PLCB4: variants seen among roughly 807,000 people sequenced by gnomAD.
PLCB4 encodes the protein phospholipase C beta 4, also known as 1-phosphatidylinositol 4,5-bisphosphate phosphodiesterase beta-4.
PLCB4 carries 77 observed loss-of-function variants against 178.8 expected under a neutral mutation model. The ratio of observed to expected loss-of-function variants is 0.43; its 90% CI spans 0.36 to 0.52. PLCB4 has a LOEUF of 0.52. Ranked by LOEUF, PLCB4 falls within the 20% of genes least tolerant of loss-of-function variation. The probability of loss-of-function intolerance (pLI) is 0.00; values close to 1 mark genes in which losing one functional copy is unlikely to be tolerated. For synonymous variants in PLCB4, 496 were observed against 490.8 expected, an observed-to-expected ratio of 1.01 and a Z score of -0.14; for missense variants, 1,024 against 1,453.4, an observed-to-expected ratio of 0.70 and a Z score of 4.80.
chr20:9,271,354 A>G (rs192787706), intron 3 of PLCB4, among the ~76,000 whole-genome samples: 2 of 152,166 alleles, frequency 1.3e-5, no homozygotes, highest in Admixed American at 6.6e-5. Context: ...CAACTTTATC[A>G]GGTAGGTAGT....
chr20:9,261,458 A>G (rs931511342), intron 3 of PLCB4, among the ~76,000 whole-genome samples: 1 of 152,218 alleles, frequency 6.6e-6, no homozygotes, highest in South Asian at 2.1e-4. Context: ...TATGCTGTGC[A>G]TATGATTGTT....
intron 9 of PLCB4, among the ~76,000 whole-genome samples, chr20:9,367,979 C>T (rs191247025): frequency 6.9e-4 from 105 of 152,120 alleles, no homozygotes; most frequent in African/African-American, 2.3e-3. Context: ...GAATTGATAC[C>T]ATGCCAGAAA....
At chr20:9,105,606 T>G (rs1254107965) in intron 2 of PLCB4, among the ~76,000 whole-genome samples, 2 of 152,122 alleles carry the variant, frequency 1.3e-5, no homozygotes, top group Non-Finnish European at 2.9e-5. Flanking sequence ...ATGGTATTGA[T>G]ACAGGGATAC....
At chr20:9,265,617 G>A (rs1352144282) in intron 3 of PLCB4, among the ~76,000 whole-genome samples, 1 of 152,138 alleles carries the variant, frequency 6.6e-6, no homozygotes. Context: ...CCAGTTCTGT[G>A]GCCCTGGGTA....
At chr20:9,349,100 A>G (rs953801925) in intron 7 of PLCB4, among the ~76,000 whole-genome samples, 4 of 152,056 alleles carry the variant, frequency 2.6e-5, no homozygotes, top group Admixed American at 6.5e-5. Context: ...AAAATCCCCT[A>G]GAGTGTATTT....
At chr20:9,073,214 A>G (rs1442986578) in intron 1 of PLCB4, among the ~76,000 whole-genome samples, 2 of 152,204 alleles carry the variant, frequency 1.3e-5, no homozygotes, top group Admixed American at 6.5e-5. Context: ...TAGAAACAGG[A>G]AGAAAAAAGC....
intron 3 of PLCB4, among the ~76,000 whole-genome samples, chr20:9,283,381 C>A (rs1385884881): frequency 6.6e-6 from 1 of 151,910 alleles, no homozygotes; most frequent in Non-Finnish European, 1.5e-5. Context: ...TTCAAAGACA[C>A]CATGAATTTC....
At chr20:9,139,703 TA>T (rs900634329) in intron 2 of PLCB4, among the ~76,000 whole-genome samples, 1 of 145,350 alleles carries the variant, frequency 6.9e-6, no homozygotes, top group African/African-American at 2.6e-5. Flanking sequence ...ACAAACCATT[TA>T]AAACCACATT....
At chr20:9,244,154 G>A (rs2147435297) in intron 3 of PLCB4, among the ~76,000 whole-genome samples, 1 of 152,168 alleles carries the variant, frequency 6.6e-6, no homozygotes, top group African/African-American at 2.4e-5. Context: ...TGGTCGTATT[G>A]CTGCATCCTA....
At chr20:9,274,517 T>G (rs987194397) in intron 3 of PLCB4, among the ~76,000 whole-genome samples, 1 of 152,112 alleles carries the variant, frequency 6.6e-6, no homozygotes, top group Non-Finnish European at 1.5e-5. Context: ...CTATTTTATT[T>G]GCACATGTAA....
chr20:9,345,581 T>C (rs1279417935), intron 7 of PLCB4, among the ~76,000 whole-genome samples: 1 of 152,250 alleles, frequency 6.6e-6, no homozygotes, highest in Non-Finnish European at 1.5e-5. Context: ...TGTTATTCTA[T>C]ACCAAGTTGA....
intron 7 of PLCB4, among the ~76,000 whole-genome samples, chr20:9,355,446 C>T (rs184007436): frequency 1.0e-3 from 158 of 151,786 alleles, no homozygotes; most frequent in African/African-American, 3.6e-3. Context: ...CCTCCCCCAT[C>T]CCCTGACCCC....
At chr20:9,181,490 C>A (rs1047626034) in intron 2 of PLCB4, among the ~76,000 whole-genome samples, 2 of 152,098 alleles carry the variant, frequency 1.3e-5, no homozygotes, top group Non-Finnish European at 2.9e-5. Flanking sequence ...TAAACAAAAG[C>A]CATTTCTTAC....
chr20:9,409,998 T>A lies in PLCB4; in HGVS notation c.1999+817T>A, dbSNP rs560467967. Among the ~76,000 whole-genome samples the A allele has an allele frequency of 4.6e-5, 7 of 152,328 alleles. No individual in the cohort carries two copies. The South Asian group carries it at 1.5e-3, about 32-fold the overall frequency. ...CCAGAAAGCTCTTTTTTCCTTCAAC[T>A]CTTTGCTATTAAGAGAACTGCCCAT... On this transcript the variant is annotated intron_variant, in intron 24 of 39. Transcript: ENST00000378473.
chr20:9,276,262 C>G (rs116220026), intron 3 of PLCB4, among the ~76,000 whole-genome samples: 1 of 152,170 alleles, frequency 6.6e-6, no homozygotes, highest in Non-Finnish European at 1.5e-5. Flanking sequence ...CAAATTCACC[C>G]TGGAGTCAAT....
chr20:9,313,426 G>T (rs1049532492), intron 4 of PLCB4, among the ~76,000 whole-genome samples: 9 of 152,138 alleles, frequency 5.9e-5, no homozygotes, highest in Non-Finnish European at 1.2e-4. Context: ...AGGGAAGGTT[G>T]GTAGTTGATG....
chr20:9,361,103 A>G (rs2035286068), intron 7 of PLCB4, among the ~76,000 whole-genome samples: 1 of 152,340 alleles, frequency 6.6e-6, no homozygotes, highest in Admixed American at 6.5e-5. Context: ...ACGATGAAAA[A>G]CAGTATGGTA....
intron 38 of PLCB4, among the ~76,000 whole-genome samples, chr20:9,474,620 T>A (rs916016217): frequency 6.6e-6 from 1 of 151,962 alleles, no homozygotes; most frequent in Non-Finnish European, 1.5e-5. Context: ...AGTAAATGAC[T>A]CCCCTTGAAG....
intron 2 of PLCB4, among the ~76,000 whole-genome samples, chr20:9,206,858 T>C (rs1367349998): frequency 2.0e-5 from 3 of 152,118 alleles, no homozygotes; most frequent in African/African-American, 7.2e-5. Context: ...AACAAAACCC[T>C]ATAAAAACCA....
Sources: allele counts gnomAD v4.1 joint callset (sites outside exome capture counted in the v4.1 genomes callset), GRCh38; gene constraint gnomAD v4.1.1; transcripts MANE v1.5; gene names NCBI Gene and HGNC (gene_info 2026-07-23, HGNC 2026-07-21).